The following TYR variants were observed in gnomAD, a reference collection of about 807,000 sequenced individuals.
TYR encodes tyrosinase.
Under a neutral mutation model 51.5 loss-of-function variants are expected in TYR, and 58 were observed. The observed-to-expected ratio is 1.13, with a 90% CI of 0.91 to 1.40. The LOEUF (loss-of-function observed/expected upper bound fraction) is 1.40, where lower values mean the gene tolerates loss of function less well. Among genes scored for constraint, TYR ranks in the 40% most tolerant of loss-of-function variants. The pLI is 0.00. For missense variants in TYR, 732 were observed against 647.4 expected, an observed-to-expected ratio of 1.13 and a Z score of -1.42; for synonymous variants, 263 against 235.2, an observed-to-expected ratio of 1.12 and a Z score of -1.08.
intron 4 of TYR, among the ~76,000 whole-genome samples, chr11:89,285,657 C>A (rs1298793940): frequency 1.3e-5 from 2 of 151,682 alleles, no homozygotes; most frequent in African/African-American, 2.4e-5. Flanking sequence ...CATGCATATT[C>A]TTTACATGTA....
chr11:89,238,683 G>A (rs1317134237), intron 3 of TYR, among the ~76,000 whole-genome samples: 1 of 152,072 alleles, frequency 6.6e-6, no homozygotes, highest in African/African-American at 2.4e-5. Flanking sequence ...GACAAAAGAA[G>A]TTCTACTTTT....
At position 89,295,094 on chromosome 11, in the gene TYR, G is replaced by C. The variant is rs1333203412; in HGVS notation, c.1367-49G>C. On this transcript the variant is annotated intron_variant, in intron 4 of 4. Coordinates refer to ENST00000263321, the MANE Select transcript of TYR (RefSeq NM_000372.5). The stretch of plus-strand genomic sequence containing the variant: ...TGAAAGGATGAAGATGATGGTGATC[G>C]TAACAATGGTGGTAACAATAAAAAC... 5 of 1,603,456 alleles carry C rather than the reference G, an allele frequency of 3.1e-6. No homozygotes were observed. The South Asian group carries it at 3.4e-5, about 11-fold the overall frequency.
chr11:89,229,795 G>A (rs973671328), intron 3 of TYR, among the ~76,000 whole-genome samples: 2 of 151,948 alleles, frequency 1.3e-5, no homozygotes. Flanking sequence ...CCCCATGTAC[G>A]ACAGCATCAA....
intron 3 of TYR, among the ~76,000 whole-genome samples, chr11:89,244,525 T>C (rs775270111): frequency 6.6e-6 from 1 of 152,260 alleles, no homozygotes; most frequent in African/African-American, 2.4e-5. Context: ...GTCTCACTTT[T>C]GTGTGACCTA....
intron 3 of TYR, among the ~76,000 whole-genome samples, chr11:89,264,941 T>C (rs1944508593): frequency 1.3e-5 from 2 of 152,080 alleles, no homozygotes. Context: ...CACTTTTCCT[T>C]ATCTTCTCAG....
At chr11:89,202,135 A>C (rs994118884) in intron 2 of TYR, among the ~76,000 whole-genome samples, 1 of 152,144 alleles carries the variant, frequency 6.6e-6, no homozygotes, top group Non-Finnish European at 1.5e-5. Context: ...TCACATAATT[A>C]TTTGTATTTA....
At chr11:89,206,372 G>C (rs1400230524) in intron 2 of TYR, among the ~76,000 whole-genome samples, 1 of 152,100 alleles carries the variant, frequency 6.6e-6, no homozygotes, top group East Asian at 1.9e-4. Flanking sequence ...ATAGACTTCA[G>C]AGCAAAAACA....
chr11:89,185,225 A>C (rs1943354512), intron 1 of TYR, among the ~76,000 whole-genome samples: 1 of 152,122 alleles, frequency 6.6e-6, no homozygotes, highest in Non-Finnish European at 1.5e-5. Flanking sequence ...AAAAATCCAC[A>C]GGGTAGTTGT....
At chr11:89,195,696 AT>A (rs1191108553) in intron 2 of TYR, among the ~76,000 whole-genome samples, 3 of 151,886 alleles carry the variant, frequency 2.0e-5, no homozygotes, top group East Asian at 1.9e-4. Context: ...ATAAATAAAA[AT>A]AAAATAAAAA....
intron 3 of TYR, among the ~76,000 whole-genome samples, chr11:89,279,606 T>C (rs1010836576): frequency 2.0e-5 from 3 of 151,774 alleles, no homozygotes; most frequent in African/African-American, 7.2e-5. Flanking sequence ...TTGATTAAAT[T>C]ATTATGCTTT....
At chr11:89,224,929 A>ATT (rs10671315) in intron 2 of TYR, among the ~76,000 whole-genome samples, 169 of 149,912 alleles carry the variant, frequency 1.1e-3, no homozygotes, top group African/African-American at 2.7e-3. Flanking sequence ...TGTAAAAACT[A>ATT]TTTTTTTTTT....
At chr11:89,261,159 G>A (rs1850025429) in intron 3 of TYR, among the ~76,000 whole-genome samples, 1 of 151,904 alleles carries the variant, frequency 6.6e-6, no homozygotes, top group Non-Finnish European at 1.5e-5. Context: ...GAAGAACTGA[G>A]GAACAATAAA....
chr11:89,198,771 T>TATATATATA lies in TYR; in HGVS notation c.1036+7353_1036+7354insATATATATA, dbSNP rs1565394780. Among the ~76,000 whole-genome samples the TATATATATA allele has an allele frequency of 1.1e-3, 140 of 123,352 alleles. 1 individual carries two copies. The highest frequency in any genetic ancestry group is 6.1e-3 in the African/African-American group (135 of 22,310). The allele number at this position is 123,352 out of a possible 152,430, so 80.9% of individuals were successfully genotyped here. ...TTTTTTCTCATATATATATATATAT[T>TATATATATA]TTTATACTTTAAGTTCTAGGGTACA... is the stretch of plus-strand genomic sequence containing the variant. On this transcript the variant is annotated intron_variant, in intron 2 of 4. Transcript: ENST00000263321.
chr11:89,192,988 G>T (rs1265357271), intron 2 of TYR, among the ~76,000 whole-genome samples: 2 of 152,110 alleles, frequency 1.3e-5, no homozygotes, highest in Non-Finnish European at 2.9e-5. Flanking sequence ...AGTGGGTTGA[G>T]AGTTTCTTTA....
Position 89,178,206 on chromosome 11 carries a change from T to C in TYR, c.253T>C (p.Tyr85His). 1 of 1,614,168 alleles carries C rather than the reference T, an allele frequency of 6.2e-7. No homozygotes were observed. Among genetic ancestry groups the C allele is most frequent in the Non-Finnish European group, 8.5e-7 (1 of 1,180,032 alleles). ...CCGGGAGTCGTGGCCTTCCGTCTTT[T>C]ATAATAGGACCTGCCAGTGCTCTGG... is the stretch of plus-strand genomic sequence containing the variant. ...DDRESWPSVF[Y>H]NRTCQCSGNF... The change falls in exon 1 of 5, where the codon TAT becomes CAT. Residue 85 changes from tyrosine (Y) to histidine (H), a missense_variant. Tyr to His is a moderately conservative substitution (Grantham distance 83, BLOSUM62 2). Transcript: ENST00000263321.
rs1272263600 is a variant in TYR, at chr11:89,181,195, T to C, written c.819+2423T>C. On this transcript the variant is annotated intron_variant, in intron 1 of 4. Transcript: ENST00000263321. ...ACTCCCAGCTAATTTTTTGTACTTT[T>C]AGTAGAGATGGGGTTTCACCCTGTT... Among the ~76,000 whole-genome samples, 8 of 152,146 alleles carry C rather than the reference T, an allele frequency of 5.3e-5. 1 individual carries two copies. In the South Asian group the frequency reaches 1.2e-3, roughly 24 times the overall value.
chr11:89,244,561 A>G (rs1299792255), intron 3 of TYR, among the ~76,000 whole-genome samples: 4 of 152,182 alleles, frequency 2.6e-5, no homozygotes, highest in Admixed American at 2.0e-4. Flanking sequence ...CACATTGTCC[A>G]TGTTTTAGCA....
chr11:89,191,499 G>C, intron 2 of TYR, 81 bp downstream of exon 2: 1 of 1,397,702 alleles, frequency 7.2e-7, no homozygotes, highest in South Asian at 1.2e-5. Flanking sequence ...GGAGGTATTT[G>C]AGAATTCAGA....
Position 89,236,560 on chromosome 11 carries a change from A to G in TYR, c.1184+8590A>G, listed in dbSNP as rs1944116612. 2.6e-5 allele frequency among the ~76,000 whole-genome samples: 4 copies of G among 152,198 alleles called. No individual in the cohort carries two copies. In the South Asian group the frequency reaches 8.3e-4, roughly 32 times the overall value. The stretch of plus-strand genomic sequence containing the variant: ...AAGCTGATGAAGATTCTGATGATTC[A>G]ATTATCATTATACAGAAAGCTAGAG... On this transcript the variant is annotated intron_variant, in intron 3 of 4. Transcript: ENST00000263321.
Sources: allele counts gnomAD v4.1 joint callset (sites outside exome capture counted in the v4.1 genomes callset), GRCh38; gene constraint gnomAD v4.1.1; transcripts MANE v1.5; gene names NCBI Gene and HGNC (gene_info 2026-07-23, HGNC 2026-07-21).